The following BCAS3 variants were observed in gnomAD, a reference collection of about 807,000 sequenced individuals.
BCAS3 encodes BCAS4/BCAS3 fusion.
BCAS3 carries 53 observed loss-of-function variants against 116.1 expected under a neutral mutation model. The observed-to-expected ratio is 0.46, with a 90% CI of 0.37 to 0.57. The LOEUF (loss-of-function observed/expected upper bound fraction) is 0.57, where lower values mean the gene tolerates loss of function less well. Among genes scored for constraint, BCAS3 ranks in the 20% least tolerant of loss-of-function variants. The pLI is 0.00. For missense variants in BCAS3, 917 were observed against 1,165.4 expected (o/e 0.79, Z 3.10); for synonymous variants, 391 against 408.2 (o/e 0.96, Z 0.51).
rs1377819679 is a variant in BCAS3, at chr17:61,118,955, C to A, written c.2425+34391C>A. On this transcript the variant is annotated intron_variant, in intron 22 of 23. Transcript: ENST00000407086. The surrounding 1 kb of genome is among the most constrained non-coding windows in gnomAD (Gnocchi z 5.0). ...TTTAAATTATCTTCCAAAACGTTGA[C>A]AGTTTCTGTGTTTGTCAATTACTTT... Among the ~76,000 whole-genome samples the A allele has an allele frequency of 6.6e-6, 1 of 151,952 alleles. No individual in the cohort carries two copies. The highest frequency in any genetic ancestry group is 1.5e-5 in the Non-Finnish European group (1 of 67,990).
chr17:60,829,319 C>T (rs1042865742), intron 7 of BCAS3, among the ~76,000 whole-genome samples: 1 of 151,678 alleles, frequency 6.6e-6, no homozygotes, highest in African/African-American at 2.4e-5. Context: ...ATGGTGAAAC[C>T]CTCTCTCTAC....
rs912955457 is a variant in BCAS3 at position 61,012,255 on chromosome 17, T to G, written c.1487-3496T>G. ...AATCTAGAACAGGGCCTGATACCAATAAGCCTCCAAAAGTGTGAAGTGACA... is the reference window on the plus strand; with the variant it reads ...AATCTAGAACAGGGCCTGATACCAAGAAGCCTCCAAAAGTGTGAAGTGACA... On this transcript the variant is annotated intron_variant, in intron 15 of 23. Coordinates refer to ENST00000407086, the MANE Select transcript of BCAS3 (RefSeq NM_017679.5). This position sits in a 1 kb window ranked among gnomAD's most constrained non-coding sequence, Gnocchi z 4.5. Among the ~76,000 whole-genome samples, 3 of 152,094 alleles carry G rather than the reference T, an allele frequency of 2.0e-5. No individual in the cohort carries two copies. The highest frequency in any genetic ancestry group is 7.2e-5 in the African/African-American group (3 of 41,452).
intron 6 of BCAS3, among the ~76,000 whole-genome samples, chr17:60,802,957 GTGT>G (rs1953579539): frequency 6.6e-6 from 1 of 152,122 alleles, no homozygotes; most frequent in Admixed American, 6.5e-5. Flanking sequence ...TGCTTTGGTT[GTGT>G]TGTTTGTTTG....
intron 22 of BCAS3, among the ~76,000 whole-genome samples, chr17:61,133,274 G>C (rs749533017): frequency 5.9e-5 from 9 of 152,130 alleles, no homozygotes; most frequent in Non-Finnish European, 1.2e-4. Context: ...CTAAGAAAAG[G>C]GTTGGGTAAG....
chr17:60,813,579 A>G (rs1222678114), intron 7 of BCAS3, among the ~76,000 whole-genome samples: 1 of 152,230 alleles, frequency 6.6e-6, no homozygotes, highest in Non-Finnish European at 1.5e-5. Context: ...AATATTCACT[A>G]CAGATATTCA....
At chr17:60,864,086 C>A (rs961525709) in intron 7 of BCAS3, among the ~76,000 whole-genome samples, 2 of 152,122 alleles carry the variant, frequency 1.3e-5, no homozygotes, top group African/African-American at 4.8e-5. Context: ...AGATATAGGG[C>A]ATCTTTAATG....
rs1316820408 is a variant in BCAS3, at chr17:61,246,672, G to A, written c.2426-121655G>A. Among the ~76,000 whole-genome samples the A allele has an allele frequency of 2.0e-5, 3 of 151,980 alleles. No homozygotes were observed. The East Asian group carries it at 5.8e-4, about 29-fold the overall frequency. ...TTGCTACAAGTTAGCTCTGTTGGTT[G>A]TCAAGAGAATTTCCTTTTCTTTATT... is the stretch of plus-strand genomic sequence containing the variant. On this transcript the variant is annotated intron_variant, in intron 22 of 23. Coordinates refer to ENST00000407086, the MANE Select transcript of BCAS3 (RefSeq NM_017679.5).
chr17:61,320,297 C>A lies in BCAS3; in HGVS notation c.2426-48030C>A, dbSNP rs376849223. On this transcript the variant is annotated intron_variant, in intron 22 of 23. Coordinates refer to ENST00000407086, the MANE Select transcript of BCAS3 (RefSeq NM_017679.5). ...GTTTTTCCTTCTGCATCAGATGGTC[C>A]ATTCCTAGACAGTGGCACTATGAAC... 1.7e-4 allele frequency among the ~76,000 whole-genome samples: 26 copies of A among 152,200 alleles called. No homozygotes were observed. In the East Asian group the frequency reaches 4.2e-3, roughly 25 times the overall value.
At position 61,388,789 on chromosome 17, in the gene BCAS3, C is replaced by G. The variant is rs1469298773; in HGVS notation, c.2594-3188C>G. 3 of 1,264,330 alleles carry G rather than the reference C, an allele frequency of 2.4e-6. No individual in the cohort carries two copies. The highest frequency in any genetic ancestry group is 3.3e-6 in the Non-Finnish European group (3 of 910,168). The allele number at this position is 1,264,330 out of a possible 1,614,324, so 78.3% of individuals were successfully genotyped here. On this transcript the variant is annotated intron_variant, in intron 23 of 23. Coordinates refer to ENST00000407086, the MANE Select transcript of BCAS3 (RefSeq NM_017679.5). This position sits in a 1 kb window ranked among gnomAD's most constrained non-coding sequence, Gnocchi z 6.5. ...ACTTGGAGGGGGGAATCTGAGCAGC[C>G]CTCCTCCCCTCCACTTCCCACACAC...
chr17:61,011,462 G>A (rs1342623749), intron 15 of BCAS3, among the ~76,000 whole-genome samples: 4 of 151,992 alleles, frequency 2.6e-5, no homozygotes, highest in African/African-American at 9.7e-5. Flanking sequence ...GCCAGTGAAC[G>A]TGAGACTAAG....
intron 6 of BCAS3, among the ~76,000 whole-genome samples, chr17:60,763,148 C>T (rs2043708617): frequency 6.6e-6 from 1 of 152,164 alleles, no homozygotes; most frequent in African/African-American, 2.4e-5. Flanking sequence ...CAAGCAGGGA[C>T]AATTTGACTT....
intron 6 of BCAS3, among the ~76,000 whole-genome samples, chr17:60,778,704 GA>G (rs1445695621): frequency 6.6e-6 from 1 of 152,164 alleles, no homozygotes; most frequent in African/African-American, 2.4e-5. Flanking sequence ...CCAAAATTTA[GA>G]AGTGGATGTA....
chr17:60,810,773 T>C, intron 7 of BCAS3: 1 of 654,932 alleles, frequency 1.5e-6, no homozygotes, highest in Non-Finnish European at 2.8e-6. Context: ...GAGACAGAGA[T>C]CAAGGCTCTC....
rs1475318594 is a variant in BCAS3 at position 61,376,013 on chromosome 17, T to G, written c.2593+7519T>G. 6.6e-6 allele frequency among the ~76,000 whole-genome samples: 1 copy of G among 152,222 alleles called. No individual in the cohort carries two copies. The highest frequency in any genetic ancestry group is 1.5e-5 in the Non-Finnish European group (1 of 68,038). Reference sequence around the variant, plus strand: ...AGAAGATGTGGTGGTGGTTAGAATTTTCTGCATCCCACATATTTTTAAAAT... The same window carrying G: ...AGAAGATGTGGTGGTGGTTAGAATTGTCTGCATCCCACATATTTTTAAAAT... On this transcript the variant is annotated intron_variant, in intron 23 of 23. Coordinates refer to ENST00000407086, the MANE Select transcript of BCAS3 (RefSeq NM_017679.5). This position sits in a 1 kb window ranked among gnomAD's most constrained non-coding sequence, Gnocchi z 4.5.
At chr17:61,179,681 T>C (rs906965261) in intron 22 of BCAS3, among the ~76,000 whole-genome samples, 16 of 152,178 alleles carry the variant, frequency 1.1e-4, no homozygotes, top group African/African-American at 3.9e-4. Flanking sequence ...TTTATGGTGG[T>C]ATTAGTGGCA....
In BCAS3 at chr17:61,069,746, G is replaced by A. The variant is rs557327770; in HGVS notation, c.2030-5174G>A. ...CCAGCTACTCAGGAGGCTGAGGTGG[G>A]AGGATCGCTTGAACACAAGGTGGAG... On this transcript the variant is annotated intron_variant, in intron 19 of 23. Coordinates refer to ENST00000407086, the MANE Select transcript of BCAS3 (RefSeq NM_017679.5). 4.1e-5 allele frequency: 25 copies of A among 609,852 alleles called. No individual in the cohort carries two copies. The South Asian group carries it at 4.6e-4, about 11-fold the overall frequency. 37.8% of individuals were successfully genotyped at this position (609,852 alleles called of 1,614,324 possible). A position where few individuals can be genotyped will look rare whatever the true frequency, so the allele number is the denominator to read the frequency against.
chr17:60,679,654 C>A, intron 2 of BCAS3, 114 bp downstream of exon 2: 1 of 809,748 alleles, frequency 1.2e-6, no homozygotes, highest in East Asian at 2.5e-5. Context: ...TAACTGTTGG[C>A]TTTATGGGAT....
chr17:61,297,506 T>C (rs9902978), intron 22 of BCAS3, among the ~76,000 whole-genome samples: 56,434 of 152,020 alleles, frequency 0.37, 10,699 homozygotes, highest in African/African-American at 0.46. Context: ...TAAACCCTCC[T>C]GTTATTTCCA....
chr17:61,000,706 T>C (rs1368211208), intron 15 of BCAS3, among the ~76,000 whole-genome samples: 1 of 152,134 alleles, frequency 6.6e-6, no homozygotes, highest in Non-Finnish European at 1.5e-5. Flanking sequence ...AAATAATGAG[T>C]AAATTAAATA....
Sources: gnomAD v4.1 joint callset for allele counts (sites outside exome capture counted in the v4.1 genomes callset) on GRCh38, gnomAD v4.1.1 for gene constraint, Gnocchi (gnomAD v3.1) non-coding constraint, MANE v1.5 for transcripts, NCBI Gene and HGNC (gene_info 2026-07-23, HGNC 2026-07-21) for gene names.